The following KIF14 variants were observed in gnomAD, a reference collection of about 807,000 sequenced individuals.
KIF14 encodes the protein kinesin-like protein KIF14.
In KIF14, 98 loss-of-function variants were observed where a neutral mutation model predicts 176.2. The observed-to-expected ratio is 0.56, with a 90% CI of 0.47 to 0.66. KIF14 has a LOEUF of 0.66. Ranked by LOEUF, KIF14 falls within the 30% of genes least tolerant of loss-of-function variation. The pLI is 0.00. For missense variants in KIF14, 1,751 were observed against 1,920.4 expected, an observed-to-expected ratio of 0.91 and a Z score of 1.65; for synonymous variants, 566 against 632.2, an observed-to-expected ratio of 0.90 and a Z score of 1.57.
chr1:200,605,177 CAGG>C, intron 8 of KIF14, 103 bp downstream of exon 8: 1 of 1,076,084 alleles, frequency 9.3e-7, no homozygotes, highest in Non-Finnish European at 1.4e-6. Context: ...GGGTGATCAC[CAGG>C]GTGAAAACTG....
At chr1:200,600,011 C>G (rs1659545868) in intron 13 of KIF14, 39 bp downstream of exon 13, 2 of 1,211,906 alleles carry the variant, frequency 1.7e-6, no homozygotes, top group Non-Finnish European at 2.4e-6. Flanking sequence ...TGGCATATTT[C>G]TTTTATTTTC....
At position 200,581,723 on chromosome 1, in the gene KIF14, T is replaced by C. The variant is rs918481310; in HGVS notation, c.3242-429A>G. On this transcript the variant is annotated intron_variant, in intron 19 of 29. Coordinates refer to ENST00000367350, the MANE Select transcript of KIF14 (RefSeq NM_014875.3). Reference sequence around the variant, plus strand: ...ATATATATATGTCAGGACATTAAAATAAAAAAGGAAAATAATTTAGTACAC... The same window carrying C: ...ATATATATATGTCAGGACATTAAAACAAAAAAGGAAAATAATTTAGTACAC... 4.8e-5 allele frequency among the ~76,000 whole-genome samples: 7 copies of C among 145,230 alleles called. No homozygotes were observed. In the Admixed American group the frequency reaches 4.9e-4, roughly 10 times the overall value.
intron 14 of KIF14, among the ~76,000 whole-genome samples, chr1:200,595,350 CTT>C (rs543994142): frequency 9.1e-4 from 139 of 152,230 alleles, no homozygotes; most frequent in African/African-American, 3.3e-3. Context: ...CCATGAAGTT[CTT>C]TTATTCATTA....
chr1:200,588,688 G>C (rs943803271), intron 18 of KIF14, among the ~76,000 whole-genome samples: 4 of 152,290 alleles, frequency 2.6e-5, no homozygotes, highest in South Asian at 2.1e-4. Flanking sequence ...TATCCCTTAG[G>C]CTTGTGAAAT....
intron 25 of KIF14, among the ~76,000 whole-genome samples, chr1:200,562,013 G>A (rs1347982832): frequency 1.3e-5 from 2 of 152,178 alleles, no homozygotes; most frequent in Non-Finnish European, 2.9e-5. Context: ...GAATGAGGAA[G>A]CTTCTCTTGA....
chr1:200,554,987 T>C (rs1251227892), intron 28 of KIF14, among the ~76,000 whole-genome samples: 3 of 152,168 alleles, frequency 2.0e-5, no homozygotes, highest in African/African-American at 7.2e-5. Context: ...TTTTAACACA[T>C]TGATCATATA....
At chr1:200,598,963 A>AC (rs1659498014) in intron 13 of KIF14, among the ~76,000 whole-genome samples, 1 of 152,070 alleles carries the variant, frequency 6.6e-6, no homozygotes, top group Non-Finnish European at 1.5e-5. Context: ...ACATCAATCT[A>AC]TCATCACCAA....
At chr1:200,560,654 C>G in intron 26 of KIF14, 68 bp downstream of exon 26, 1 of 1,488,906 alleles carries the variant, frequency 6.7e-7, no homozygotes, top group Non-Finnish European at 9.3e-7. Flanking sequence ...ATGTTTAGTA[C>G]TGTACTATTA....
In KIF14 at chr1:200,552,033, G is replaced by T. The variant is rs1656557913; in HGVS notation, c.*1355C>A. ...TTACTTACAATCTCTTCCTAACAAG[G>T]AAACTATCAGATTTATTCATGGTAC... On this transcript the variant is annotated 3_prime_UTR_variant, in exon 30 of 30. Transcript: ENST00000367350. The T allele has an allele frequency of 6.6e-6, 1 of 152,174 alleles. No homozygotes were observed. The highest frequency in any genetic ancestry group is 1.5e-5 in the Non-Finnish European group (1 of 68,026). 9.4% of individuals were successfully genotyped at this position (152,174 alleles called of 1,614,324 possible).
chr1:200,592,315 C>T, intron 15 of KIF14, 75 bp from the exon 16 acceptor site: 1 of 1,191,434 alleles, frequency 8.4e-7, no homozygotes, highest in Non-Finnish European at 1.2e-6. Context: ...TTATTTTGCC[C>T]AACAATTCAA....
At position 200,575,599 on chromosome 1, in the gene KIF14, A is replaced by G. The variant is rs1658055303; in HGVS notation, c.3558T>C (p.Ser1186=). ...AACAAAATTGTCTTTACCTCCTTCTAGAAAGTGAAGAAACTGGTGCATCTG... is the reference window on the plus strand; with the variant it reads ...AACAAAATTGTCTTTACCTCCTTCTGGAAAGTGAAGAAACTGGTGCATCTG... The part of the protein sequence containing the change: ...DITDAPVSSL[S]RRRSRSLMKN... Residue 1186 remains serine, a synonymous_variant, in exon 22 of 30, where the codon TCT becomes TCC. Transcript: ENST00000367350. 1.9e-6 allele frequency: 3 copies of G among 1,576,218 alleles called. No individual in the cohort carries two copies. The highest frequency in any genetic ancestry group is 1.7e-6 in the Non-Finnish European group (2 of 1,158,202).
chr1:200,568,125 A>AC (rs1467970117), intron 23 of KIF14, among the ~76,000 whole-genome samples: 1 of 152,046 alleles, frequency 6.6e-6, no homozygotes, highest in African/African-American at 2.4e-5. Context: ...ACAGCCCCTC[A>AC]CCCCCAGGCC....
chr1:200,579,464 C>G (rs2102647260), intron 21 of KIF14, among the ~76,000 whole-genome samples: 2 of 152,216 alleles, frequency 1.3e-5, no homozygotes, highest in Middle Eastern at 3.4e-3. Flanking sequence ...CAAAAATTAG[C>G]TGGGGCTGGT....
chr1:200,613,872 A>G (rs954695715), intron 4 of KIF14, among the ~76,000 whole-genome samples: 7 of 152,216 alleles, frequency 4.6e-5, no homozygotes, highest in African/African-American at 1.7e-4. Context: ...AGTACAGCCT[A>G]TTCAGGTGTA....
At chr1:200,581,440 G>A (rs1296528991) in intron 19 of KIF14, 146 bp from the exon 20 acceptor site, 2 of 416,216 alleles carry the variant, frequency 4.8e-6, no homozygotes, top group African/African-American at 2.1e-5. Context: ...TGATATTTGA[G>A]TAATTTGGTG....
At chr1:200,568,750 G>A (rs2102604692) in intron 23 of KIF14, among the ~76,000 whole-genome samples, 1 of 152,132 alleles carries the variant, frequency 6.6e-6, no homozygotes, top group South Asian at 2.1e-4. Context: ...CCATAGTTTA[G>A]TTTGCCTGTC....
At chr1:200,560,635 G>T in intron 26 of KIF14, 87 bp downstream of exon 26, 2 of 1,355,662 alleles carry the variant, frequency 1.5e-6, no homozygotes, top group Non-Finnish European at 1.0e-6. Context: ...AACTTAAAAA[G>T]AACTTGCCAT....
Position 200,592,215 on chromosome 1 carries a change from T to C in KIF14, c.2678A>G (p.Asp893Gly), listed in dbSNP as rs1208348400. The change falls in exon 16 of 30, where the codon GAT (aspartate) becomes GGT (glycine). Residue 893 changes from aspartate to glycine, a missense_variant. Transcript: ENST00000367350. ...TGGATGATTAAATCTAAAATAATGA[T>C]CTCCACCAAGAATCACTCGATCACC... ...RHGDRVILGG[D>G]HYFRFNHPVE... 1 of 1,613,162 alleles carries C rather than the reference T, an allele frequency of 6.2e-7. No homozygotes were observed. Among genetic ancestry groups the C allele is most frequent in the African/African-American group, 1.3e-5 (1 of 74,784 alleles).
In KIF14 at chr1:200,553,393, C is replaced by T. The variant is rs1215611863; in HGVS notation, c.4942G>A (p.Val1648Met). Reference sequence around the variant, plus strand: ...AAGTGCCTACACATCAGTATTCACACCCACTGAATCCTACTGGGTGTGCAT... The same window carrying T: ...AAGTGCCTACACATCAGTATTCACATCCACTGAATCCTACTGGGTGTGCAT... ...EECTPSRIQW[V>M] Residue 1648 changes from valine to methionine, a missense_variant, in exon 30 of 30, where the codon GTG becomes ATG. By Grantham distance (21) the Val-to-Met change is conservative (BLOSUM62 1). Coordinates refer to ENST00000367350, the MANE Select transcript of KIF14 (RefSeq NM_014875.3). The T allele has an allele frequency of 1.2e-6, 2 of 1,601,034 alleles. No individual in the cohort carries two copies. Among genetic ancestry groups the T allele is most frequent in the Non-Finnish European group, 1.7e-6 (2 of 1,174,412 alleles).
Sources: allele counts gnomAD v4.1 joint callset (sites outside exome capture counted in the v4.1 genomes callset), GRCh38; gene constraint gnomAD v4.1.1; transcripts MANE v1.5; gene names NCBI Gene and HGNC (gene_info 2026-07-23, HGNC 2026-07-21).